CCBE1: variants seen among roughly 807,000 people sequenced by gnomAD.
The protein encoded by CCBE1 is collagen and calcium binding EGF domains 1, also known as collagen and calcium-binding EGF domain-containing protein 1.
In CCBE1, 37 loss-of-function variants were observed where a neutral mutation model predicts 50.0. The observed-to-expected ratio is 0.74, with a 90% CI of 0.57 to 0.97. The LOEUF (loss-of-function observed/expected upper bound fraction) is 0.97. Ranked by LOEUF, CCBE1 falls within the 50% of genes least tolerant of loss-of-function variation. The probability of loss-of-function intolerance (pLI) is 0.00; values close to 1 mark genes in which losing one functional copy is unlikely to be tolerated. For synonymous variants in CCBE1, 234 were observed against 203.7 expected, an observed-to-expected ratio of 1.15 and a Z score of -1.27; for missense variants, 538 against 523.8, an observed-to-expected ratio of 1.03 and a Z score of -0.26.
intron 5 of CCBE1, 37 bp from the exon 6 acceptor site, chr18:59,454,988 C>T: frequency 6.4e-7 from 1 of 1,550,514 alleles, no homozygotes; most frequent in South Asian, 1.1e-5. Flanking sequence ...GTCTGGGAGG[C>T]TGGATGCAAG....
intron 2 of CCBE1, among the ~76,000 whole-genome samples, chr18:59,597,920 A>G (rs994606147): frequency 1.6e-4 from 25 of 152,216 alleles, no homozygotes; most frequent in Non-Finnish European, 3.4e-4. Context: ...AAGGGTAAAT[A>G]GTTTATTTCT....
chr18:59,669,746 A>C (rs1223487793), intron 2 of CCBE1, among the ~76,000 whole-genome samples: 1 of 152,172 alleles, frequency 6.6e-6, no homozygotes, highest in African/African-American at 2.4e-5. Flanking sequence ...GGGGCACTGG[A>C]GTTAGGGTGG....
chr18:59,687,530 C>T (rs1331045136), intron 2 of CCBE1, among the ~76,000 whole-genome samples: 1 of 152,204 alleles, frequency 6.6e-6, no homozygotes, highest in Non-Finnish European at 1.5e-5. Flanking sequence ...TTGTTTCTCT[C>T]ACTTCAGAAT....
At chr18:59,632,722 T>C (rs2053865268) in intron 2 of CCBE1, among the ~76,000 whole-genome samples, 2 of 152,264 alleles carry the variant, frequency 1.3e-5, no homozygotes, top group South Asian at 4.1e-4. Context: ...CCTGAGTAGC[T>C]GGGATTACAG....
intron 2 of CCBE1, among the ~76,000 whole-genome samples, chr18:59,571,905 C>G (rs939226122): frequency 6.6e-6 from 1 of 152,182 alleles, no homozygotes; most frequent in Non-Finnish European, 1.5e-5. Flanking sequence ...TTAACGAGAG[C>G]TGGTGGCAAA....
intron 2 of CCBE1, among the ~76,000 whole-genome samples, chr18:59,677,944 C>T (rs750764966): frequency 2.2e-4 from 34 of 152,044 alleles, no homozygotes; most frequent in Non-Finnish European, 2.9e-4. Context: ...AAAAGCAATC[C>T]TAGTATACAC....
At chr18:59,697,485 G>A, upstream of CCBE1, 1 of 1,114,310 alleles carries the variant, frequency 9.0e-7, no homozygotes, top group Non-Finnish European at 1.2e-6. Flanking sequence ...CGGGGAGCAG[G>A]GGTCCGGAAT....
intron 2 of CCBE1, among the ~76,000 whole-genome samples, chr18:59,515,525 CG>C (rs1914331370): frequency 6.6e-6 from 1 of 152,140 alleles, no homozygotes; most frequent in South Asian, 2.1e-4. Flanking sequence ...CTGAAACGCA[CG>C]ATATTTTGAG....
At chr18:59,493,676 G>A (rs949590105) in intron 2 of CCBE1, among the ~76,000 whole-genome samples, 4 of 152,140 alleles carry the variant, frequency 2.6e-5, no homozygotes, top group Non-Finnish European at 4.4e-5. Flanking sequence ...GCGTGTTACA[G>A]GAGACACAGA....
chr18:59,472,453 C>G (rs1008007163), intron 3 of CCBE1, among the ~76,000 whole-genome samples: 7 of 152,234 alleles, frequency 4.6e-5, no homozygotes, highest in African/African-American at 1.7e-4. Flanking sequence ...ATCACTGATT[C>G]ATCACCAGAG....
chr18:59,684,211 G>C (rs1003521199), intron 2 of CCBE1, among the ~76,000 whole-genome samples: 1 of 152,126 alleles, frequency 6.6e-6, no homozygotes, highest in African/African-American at 2.4e-5. Context: ...CACTTTGGGA[G>C]GCCAAGGCAA....
chr18:59,468,613 A>C (rs1911868288), intron 4 of CCBE1, among the ~76,000 whole-genome samples: 1 of 152,146 alleles, frequency 6.6e-6, no homozygotes, highest in Admixed American at 6.5e-5. Context: ...AGAACTTCTC[A>C]GAAATGGTGC....
chr18:59,526,372 C>T (rs1324322364), intron 2 of CCBE1, among the ~76,000 whole-genome samples: 15 of 150,914 alleles, frequency 9.9e-5, no homozygotes, highest in Admixed American at 2.6e-4. Flanking sequence ...TGCAGTGGCA[C>T]CATCTCGGCT....
chr18:59,661,466 T>C (rs1353317310), intron 2 of CCBE1, among the ~76,000 whole-genome samples: 1 of 152,206 alleles, frequency 6.6e-6, no homozygotes, highest in Non-Finnish European at 1.5e-5. Context: ...TTAACTTCCA[T>C]AGTTAATGAA....
chr18:59,471,141 A>AGGGGAAGAAG (rs917356742), intron 3 of CCBE1, among the ~76,000 whole-genome samples: 1 of 152,040 alleles, frequency 6.6e-6, no homozygotes, highest in Non-Finnish European at 1.5e-5. Context: ...GCAGCTGGGA[A>AGGGGAAGAAG]GGGGAAGAAG....
At chr18:59,575,283 T>A (rs1242709766) in intron 2 of CCBE1, among the ~76,000 whole-genome samples, 1 of 152,008 alleles carries the variant, frequency 6.6e-6, no homozygotes, top group Non-Finnish European at 1.5e-5. Context: ...TAATCCACAC[T>A]CCTACCTACC....
At chr18:59,611,143 C>T (rs1382759438) in intron 2 of CCBE1, among the ~76,000 whole-genome samples, 1 of 152,254 alleles carries the variant, frequency 6.6e-6, no homozygotes, top group Non-Finnish European at 1.5e-5. Context: ...ACCGGCTCTG[C>T]CTATTCCAAT....
At chr18:59,540,775 A>C (rs1915436004) in intron 2 of CCBE1, among the ~76,000 whole-genome samples, 1 of 152,236 alleles carries the variant, frequency 6.6e-6, no homozygotes, top group African/African-American at 2.4e-5. Flanking sequence ...AGGTCACAAC[A>C]GCAGAGTTAA....
At chr18:59,656,766 G>A (rs1042576275) in intron 2 of CCBE1, among the ~76,000 whole-genome samples, 5 of 152,192 alleles carry the variant, frequency 3.3e-5, no homozygotes, top group South Asian at 2.1e-4. Context: ...CTTCCTCTAC[G>A]ATAGAGACTT....
Sources: allele counts gnomAD v4.1 joint callset (sites outside exome capture counted in the v4.1 genomes callset), GRCh38; gene constraint gnomAD v4.1.1; transcripts MANE v1.5; gene names NCBI Gene and HGNC (gene_info 2026-07-23, HGNC 2026-07-21).